Variants in VPS13D observed in about 807,000 individuals in gnomAD.
VPS13D encodes the protein intermembrane lipid transfer protein VPS13D.
A neutral mutation model predicts 461.9 loss-of-function variants in VPS13D; 187 were observed. The observed-to-expected ratio is 0.40, with a 90% CI of 0.36 to 0.46. VPS13D has a LOEUF of 0.46. Ranked by LOEUF, VPS13D falls within the 20% of genes least tolerant of loss-of-function variation. The probability of loss-of-function intolerance (pLI) is 0.60; values close to 1 mark genes in which losing one functional copy is unlikely to be tolerated. For synonymous variants in VPS13D, 1,951 were observed against 1,986.3 expected (o/e 0.98, Z 0.47); for missense variants, 4,711 against 5,364.9 (o/e 0.88, Z 3.81).
chr1:12,364,360 A>G (rs1166789499), intron 52 of VPS13D, among the ~76,000 whole-genome samples: 1 of 152,152 alleles, frequency 6.6e-6, no homozygotes, highest in Admixed American at 6.5e-5. Context: ...AATATTGTCA[A>G]TGTCCATATT....
chr1:12,333,941 AATATAATC>A (rs1182955948), intron 38 of VPS13D, among the ~76,000 whole-genome samples: 1 of 152,250 alleles, frequency 6.6e-6, no homozygotes, highest in Non-Finnish European at 1.5e-5. Context: ...AAAGGAAAGC[AATATAATC>A]ATACAATCAA....
chr1:12,367,336 G>T (rs1002750715), intron 52 of VPS13D, among the ~76,000 whole-genome samples: 22 of 152,156 alleles, frequency 1.4e-4, no homozygotes, highest in Non-Finnish European at 1.2e-4. Flanking sequence ...TGTGATGTCT[G>T]TTGGTCTCAT....
In VPS13D at chr1:12,348,904, G is replaced by T; in HGVS notation, c.9151G>T (p.Ala3051Ser). 1 of 1,614,188 alleles carries T rather than the reference G, an allele frequency of 6.2e-7. No homozygotes were observed. The highest frequency in any genetic ancestry group is 1.1e-5 in the South Asian group (1 of 91,074). The change falls in exon 45 of 70, where the codon GCC becomes TCC. Residue 3051 changes from alanine (A) to serine (S), a missense_variant. Coordinates refer to ENST00000620676, the MANE Select transcript of VPS13D (RefSeq NM_015378.4). Reference sequence around the variant, plus strand: ...ACGGAAAGTCATCACTGTCCGGTCAGCCCTCATTGTGAGGAACAGACTTGA... The same window carrying T: ...ACGGAAAGTCATCACTGTCCGGTCATCCCTCATTGTGAGGAACAGACTTGA... ...SARKVITVRS[A>S]LIVRNRLETP...
chr1:12,261,934 C>A lies in VPS13D; in HGVS notation c.1448C>A (p.Ala483Asp). 6.2e-7 allele frequency: 1 copy of A among 1,613,612 alleles called. No individual in the cohort carries two copies. The highest frequency in any genetic ancestry group is 8.5e-7 in the Non-Finnish European group (1 of 1,179,654). The change falls in exon 13 of 70, where the codon GCC becomes GAC. Residue 483 changes from alanine to aspartate, a missense_variant. Coordinates refer to ENST00000620676, the MANE Select transcript of VPS13D (RefSeq NM_015378.4). ...TEEFFDPTAD[A>D]SCMNTYTKRD... ...GAGTTTTTTGACCCCACTGCAGATGCCTCGTGTATGAACACGTATACAAAG... is the reference window on the plus strand; with the variant it reads ...GAGTTTTTTGACCCCACTGCAGATGACTCGTGTATGAACACGTATACAAAG...
intron 67 of VPS13D, among the ~76,000 whole-genome samples, chr1:12,481,280 A>G (rs1396058579): frequency 6.6e-6 from 1 of 152,190 alleles, no homozygotes; most frequent in African/African-American, 2.4e-5. Context: ...AACGGGGCCA[A>G]GTAGAAAAGG....
intron 24 of VPS13D, among the ~76,000 whole-genome samples, chr1:12,297,118 T>C (rs1642300781): frequency 6.6e-6 from 1 of 152,178 alleles, no homozygotes; most frequent in Non-Finnish European, 1.5e-5. Context: ...GTCGATAAGA[T>C]TAAGAGGCTA....
chr1:12,501,309 T>G (rs1646032349), intron 68 of VPS13D, among the ~76,000 whole-genome samples: 1 of 152,162 alleles, frequency 6.6e-6, no homozygotes, highest in Non-Finnish European at 1.5e-5. Context: ...CTATATATGT[T>G]TCATTCCTTC....
Position 12,308,648 on chromosome 1 carries a change from G to GTTTTT in VPS13D, c.6650+18_6650+22dup. The GTTTTT allele has an allele frequency of 1.4e-6, 2 of 1,453,974 alleles. No individual in the cohort carries two copies. Among genetic ancestry groups the GTTTTT allele is most frequent in the Non-Finnish European group, 9.5e-7 (1 of 1,057,966 alleles). The allele number at this position is 1,453,974 out of a possible 1,614,324, so 90.1% of individuals were successfully genotyped here. Reference sequence around the variant, plus strand: ...TGGAAAGGAATTTGGACAAGTGAGTGTTTTTTTTTTTTTTTGAGATGGAGT... The same window carrying GTTTTT: ...TGGAAAGGAATTTGGACAAGTGAGTGTTTTTTTTTTTTTTTTTTTTGAGATGGAGT... On this transcript the variant is annotated splice_region_variant and intron_variant, in intron 27 of 69. Coordinates refer to ENST00000620676, the MANE Select transcript of VPS13D (RefSeq NM_015378.4).
At chr1:12,240,573 C>T (rs1007866798) in intron 2 of VPS13D, among the ~76,000 whole-genome samples, 6 of 117,886 alleles carry the variant, frequency 5.1e-5, no homozygotes, top group Admixed American at 3.6e-4. Context: ...CCAGCCTGGG[C>T]GACAAAAGCG....
At chr1:12,252,804 T>C (rs1448628919) in intron 6 of VPS13D, among the ~76,000 whole-genome samples, 1 of 142,866 alleles carries the variant, frequency 7.0e-6, no homozygotes. Flanking sequence ...AAGAAAATAT[T>C]CCCCCTCCCC....
At chr1:12,409,044 A>AT (rs1479140907) in intron 63 of VPS13D, among the ~76,000 whole-genome samples, 3 of 151,288 alleles carry the variant, frequency 2.0e-5, no homozygotes, top group South Asian at 4.2e-4. Context: ...AGTTGCAAGT[A>AT]TTTTTTCTTC....
rs770055183 is a variant in VPS13D, at chr1:12,258,123, G to A, written c.1110+20G>A. Reference sequence around the variant, plus strand: ...GACAAGGTAAGTGGACTGTGGTCTTGTGTTTCTTGTCTTATTCAGAAGATA... The same window carrying A: ...GACAAGGTAAGTGGACTGTGGTCTTATGTTTCTTGTCTTATTCAGAAGATA... On this transcript the variant is annotated intron_variant, in intron 10 of 69. Transcript: ENST00000620676. 2 of 1,612,574 alleles carry A rather than the reference G, an allele frequency of 1.2e-6. No individual in the cohort carries two copies. The highest frequency in any genetic ancestry group is 1.7e-6 in the Non-Finnish European group (2 of 1,178,660).
At chr1:12,330,010 A>AG in intron 37 of VPS13D, 92 bp downstream of exon 37, 2 of 423,400 alleles carry the variant, frequency 4.7e-6, no homozygotes, top group Non-Finnish European at 9.2e-6. Flanking sequence ...CATGAAGGAA[A>AG]GGGCAGGGGT....
chr1:12,345,233 C>A, intron 42 of VPS13D, 141 bp from the exon 43 acceptor site: 1 of 914,600 alleles, frequency 1.1e-6, no homozygotes, highest in Non-Finnish European at 1.6e-6. Flanking sequence ...CCTGATTTCC[C>A]TTGCATTAGG....
At chr1:12,283,766 G>T in intron 21 of VPS13D, 30 bp downstream of exon 21, 1 of 1,567,966 alleles carries the variant, frequency 6.4e-7, no homozygotes. Flanking sequence ...GCTCCCTTAA[G>T]CTCTAAAAAT....
At chr1:12,457,796 C>G (rs76959711) in intron 66 of VPS13D, among the ~76,000 whole-genome samples, 1 of 152,180 alleles carries the variant, frequency 6.6e-6, no homozygotes, top group Non-Finnish European at 1.5e-5. Context: ...GGAGCTGTCC[C>G]TAAGGAGACG....
intron 60 of VPS13D, 23 bp from the exon 61 acceptor site, chr1:12,400,158 T>G: frequency 6.2e-7 from 1 of 1,608,672 alleles, no homozygotes; most frequent in South Asian, 1.1e-5. Context: ...TGTTTTTGCT[T>G]TGCTACCTTT....
chr1:12,261,042 G>T lies in VPS13D; in HGVS notation c.1307G>T (p.Trp436Leu), dbSNP rs776648168. The T allele has an allele frequency of 1.9e-6, 3 of 1,614,126 alleles. No homozygotes were observed. Among genetic ancestry groups the T allele is most frequent in the Non-Finnish European group, 2.5e-6 (3 of 1,180,018 alleles). The change falls in exon 12 of 70, where the codon TGG (tryptophan) becomes TTG (leucine). Residue 436 changes from tryptophan (W) to leucine (L), a missense_variant. Physicochemically the swap from Trp to Leu is moderately conservative, Grantham distance 61. Transcript: ENST00000620676. ...GGGATGCTGCAGTATCTCCAGTCCT[G>T]GTTTCCTGGATGGGGTGGCTGGTAC... ...GSGMLQYLQS[W>L]FPGWGGWYGQ... is the part of the protein sequence containing the mutation.
At chr1:12,430,385 C>T (rs1359200703) in intron 65 of VPS13D, among the ~76,000 whole-genome samples, 1 of 152,210 alleles carries the variant, frequency 6.6e-6, no homozygotes, top group Non-Finnish European at 1.5e-5. Context: ...GGACCAGGCT[C>T]TTTACAGCCC....
Sources: allele counts gnomAD v4.1 joint callset (sites outside exome capture counted in the v4.1 genomes callset), GRCh38; gene constraint gnomAD v4.1.1; transcripts MANE v1.5; gene names NCBI Gene and HGNC (gene_info 2026-07-23, HGNC 2026-07-21).